Variants in TRPM3 observed in about 807,000 individuals in gnomAD.
The protein encoded by TRPM3 is transient receptor potential cation channel subfamily M member 3.
A neutral mutation model predicts 181.2 loss-of-function variants in TRPM3; 77 were observed. The observed-to-expected ratio is 0.42, with a 90% CI of 0.35 to 0.51. The LOEUF is 0.51. Among genes scored for constraint, TRPM3 ranks in the 20% least tolerant of loss-of-function variants. TRPM3 has a pLI of 0.01. For synonymous variants in TRPM3, 745 were observed against 796.4 expected, an observed-to-expected ratio of 0.94 and a Z score of 1.09; for missense variants, 1,759 against 2,196.7, an observed-to-expected ratio of 0.80 and a Z score of 3.98.
chr9:70,692,629 C>A (rs981001350), intron 8 of TRPM3, among the ~76,000 whole-genome samples: 1 of 152,146 alleles, frequency 6.6e-6, no homozygotes, highest in African/African-American at 2.4e-5. Context: ...AGGAGCCATG[C>A]GCAGAATCAG....
intron 21 of TRPM3, among the ~76,000 whole-genome samples, chr9:70,595,989 A>G (rs1057423810): frequency 1.3e-5 from 2 of 152,202 alleles, no homozygotes; most frequent in Non-Finnish European, 2.9e-5. Context: ...CCATTTGTAC[A>G]GTAGGGTTAG....
chr9:70,630,271 T>TAAG (rs1195741153), intron 12 of TRPM3, among the ~76,000 whole-genome samples: 3 of 152,224 alleles, frequency 2.0e-5, no homozygotes, highest in African/African-American at 7.2e-5. Flanking sequence ...CAATAACTTC[T>TAAG]AAGATTCTGT....
intron 1 of TRPM3, among the ~76,000 whole-genome samples, chr9:71,053,372 C>T (rs1377063495): frequency 6.6e-6 from 1 of 152,008 alleles, no homozygotes; most frequent in Non-Finnish European, 1.5e-5. Context: ...ATTTCAGCTC[C>T]ATGCAGATTT....
At chr9:71,159,521 A>G (rs2076172453) in intron 1 of TRPM3, among the ~76,000 whole-genome samples, 1 of 152,132 alleles carries the variant, frequency 6.6e-6, no homozygotes. Context: ...ATGTTTAAAA[A>G]AATCCTAACG....
chr9:71,200,873 A>G (rs2078740571), intron 1 of TRPM3, among the ~76,000 whole-genome samples: 1 of 150,616 alleles, frequency 6.6e-6, no homozygotes, highest in South Asian at 2.1e-4. Context: ...GTCCATTTAC[A>G]TTTAAAGTTA....
At chr9:70,557,799 T>A (rs1259620781) in intron 22 of TRPM3, among the ~76,000 whole-genome samples, 1 of 152,202 alleles carries the variant, frequency 6.6e-6, no homozygotes. Flanking sequence ...GGCAAATGCA[T>A]GGTCAGTACC....
chr9:71,063,507 G>C (rs961758956), intron 1 of TRPM3, among the ~76,000 whole-genome samples: 4 of 152,246 alleles, frequency 2.6e-5, no homozygotes, highest in African/African-American at 9.6e-5. Context: ...TATAAGGTCA[G>C]TGAAGGGAGA....
intron 1 of TRPM3, among the ~76,000 whole-genome samples, chr9:71,067,541 A>T (rs537402199): frequency 2.0e-5 from 3 of 152,352 alleles, no homozygotes; most frequent in African/African-American, 4.8e-5. Context: ...TCATCTGTTT[A>T]TACTTTATTT....
chr9:71,156,581 C>A (rs558412876), intron 1 of TRPM3, among the ~76,000 whole-genome samples: 3 of 151,942 alleles, frequency 2.0e-5, no homozygotes, highest in South Asian at 4.2e-4. Flanking sequence ...TAAATGAGAA[C>A]GACTGATTGT....
chr9:70,691,498 C>G (rs762127262), intron 8 of TRPM3, among the ~76,000 whole-genome samples: 5 of 152,186 alleles, frequency 3.3e-5, no homozygotes, highest in Non-Finnish European at 7.3e-5. Flanking sequence ...CACTCAACTC[C>G]ATACTCTCCC....
intron 16 of TRPM3, among the ~76,000 whole-genome samples, chr9:70,619,354 T>A (rs970971137): frequency 1.3e-5 from 2 of 150,408 alleles, no homozygotes; most frequent in Admixed American, 1.3e-4. Context: ...GTCATATGAG[T>A]GTAGGAGGTG....
intron 1 of TRPM3, among the ~76,000 whole-genome samples, chr9:71,118,497 C>G (rs2072919909): frequency 6.6e-6 from 1 of 152,108 alleles, no homozygotes; most frequent in Admixed American, 6.5e-5. Context: ...AGCAAAGATA[C>G]ACACATTTTC....
At chr9:71,351,568 A>T (rs1483674749) in intron 1 of TRPM3, among the ~76,000 whole-genome samples, 2 of 152,222 alleles carry the variant, frequency 1.3e-5, no homozygotes, top group Non-Finnish European at 2.9e-5. Context: ...TGTCTTTTTA[A>T]ACAGTCAAAT....
At chr9:71,361,085 C>A (rs1034656095) in intron 1 of TRPM3, among the ~76,000 whole-genome samples, 6 of 152,264 alleles carry the variant, frequency 3.9e-5, no homozygotes, top group Admixed American at 1.3e-4. Context: ...CTCCTGGGTT[C>A]AAGTGATTTT....
intron 8 of TRPM3, among the ~76,000 whole-genome samples, chr9:70,695,709 C>T (rs75036104): frequency 3.1e-3 from 466 of 152,290 alleles, no homozygotes; most frequent in African/African-American, 5.9e-3. Context: ...TGTGTACTTA[C>T]GACATGCTAA....
At chr9:71,123,615 A>G (rs1412500238), upstream of TRPM3, among the ~76,000 whole-genome samples, 1 of 152,218 alleles carries the variant, frequency 6.6e-6, no homozygotes. Context: ...TAGGTAATGA[A>G]GTCAAGCAAG....
intron 1 of TRPM3, among the ~76,000 whole-genome samples, chr9:71,141,801 T>C (rs897334312): frequency 6.6e-6 from 1 of 152,192 alleles, no homozygotes; most frequent in Non-Finnish European, 1.5e-5. Flanking sequence ...TGCTGGTTGT[T>C]GTCTTGCAAA....
chr9:70,950,214 C>G (rs1450404711), intron 1 of TRPM3, among the ~76,000 whole-genome samples: 1 of 152,080 alleles, frequency 6.6e-6, no homozygotes, highest in Non-Finnish European at 1.5e-5. Context: ...AAATGACTTT[C>G]TTTTTTAGGT....
chr9:71,121,843 G>A (rs1806358569), upstream of TRPM3, among the ~76,000 whole-genome samples: 1 of 152,072 alleles, frequency 6.6e-6, no homozygotes, highest in Admixed American at 6.6e-5. Context: ...GGAGAGAAGG[G>A]GTGCCTCCGA....
Sources: gnomAD v4.1 joint callset for allele counts (sites outside exome capture counted in the v4.1 genomes callset) on GRCh38, gnomAD v4.1.1 for gene constraint, MANE v1.5 for transcripts, NCBI Gene and HGNC (gene_info 2026-07-23, HGNC 2026-07-21) for gene names.